The following STAG1 variants were observed in gnomAD, a reference collection of about 807,000 sequenced individuals.
STAG1 encodes STAG1 cohesin complex component.
Under a neutral mutation model 170.9 loss-of-function variants are expected in STAG1, and 26 were observed. The ratio of observed to expected loss-of-function variants is 0.15; its 90% confidence interval spans 0.11 to 0.21. STAG1 has a LOEUF of 0.21. Ranked by LOEUF, STAG1 falls within the 10% of genes least tolerant of loss-of-function variation. STAG1 has a pLI of 1.00. For missense variants in STAG1, 964 were observed against 1,509.5 expected, an observed-to-expected ratio of 0.64 and a Z score of 5.99; for synonymous variants, 514 against 497.7, an observed-to-expected ratio of 1.03 and a Z score of -0.44.
At chr3:136,614,529 A>C (rs1939482501) in intron 3 of STAG1, among the ~76,000 whole-genome samples, 1 of 152,238 alleles carries the variant, frequency 6.6e-6, no homozygotes, top group Admixed American at 6.5e-5. Flanking sequence ...AAAATATGTT[A>C]CATATACATA....
rs1057053901 is a variant in STAG1 at position 136,731,875 on chromosome 3, G to C, written c.-84+20320C>G. Among the ~76,000 whole-genome samples, 4 of 152,272 alleles carry C rather than the reference G, an allele frequency of 2.6e-5. No individual in the cohort carries two copies. In the South Asian group the frequency reaches 8.3e-4, roughly 32 times the overall value. On this transcript the variant is annotated intron_variant, in intron 1 of 33. Coordinates refer to ENST00000383202, the MANE Select transcript of STAG1 (RefSeq NM_005862.3). The stretch of plus-strand genomic sequence containing the variant: ...TTTTATTTGGCCTGTGCACTTATCA[G>C]CTAGTGGAAAGCATAAATTATTCCA...
chr3:136,581,409 A>G (rs1366573685), intron 4 of STAG1, among the ~76,000 whole-genome samples: 3 of 152,250 alleles, frequency 2.0e-5, no homozygotes, highest in Non-Finnish European at 4.4e-5. Context: ...TGCAATACAT[A>G]TAAGTTATTT....
At chr3:136,524,020 A>G (rs1376110121) in intron 6 of STAG1, among the ~76,000 whole-genome samples, 1 of 152,080 alleles carries the variant, frequency 6.6e-6, no homozygotes, top group African/African-American at 2.4e-5. Flanking sequence ...GTTTGAAGTC[A>G]GGTAGCATGA....
intron 13 of STAG1, among the ~76,000 whole-genome samples, chr3:136,458,488 T>C (rs1350998067): frequency 6.6e-6 from 1 of 152,180 alleles, no homozygotes; most frequent in East Asian, 1.9e-4. Flanking sequence ...CAAGATATTT[T>C]TTACAAGCCT....
chr3:136,747,460 G>A (rs1483170968), intron 1 of STAG1, among the ~76,000 whole-genome samples: 3 of 152,044 alleles, frequency 2.0e-5, no homozygotes, highest in Admixed American at 6.6e-5. Flanking sequence ...AGGCCAAGGC[G>A]GGCTGATTAC....
intron 16 of STAG1, among the ~76,000 whole-genome samples, chr3:136,423,866 AT>A (rs1239302223): frequency 1.4e-5 from 2 of 143,962 alleles, no homozygotes; most frequent in East Asian, 2.0e-4. Context: ...TTTTTTTTTT[AT>A]TTTTTTTTAT....
intron 23 of STAG1, among the ~76,000 whole-genome samples, chr3:136,373,284 T>G (rs1464216440): frequency 6.6e-6 from 1 of 151,992 alleles, no homozygotes; most frequent in East Asian, 1.9e-4. Context: ...TTTTGTTGAT[T>G]TTTTCAAAAA....
At chr3:136,537,626 C>A (rs1935701965) in intron 6 of STAG1, among the ~76,000 whole-genome samples, 1 of 151,448 alleles carries the variant, frequency 6.6e-6, no homozygotes, top group African/African-American at 2.4e-5. Flanking sequence ...TCAGCCTCCC[C>A]ATTAGCTGGG....
chr3:136,516,470 T>C (rs1316266284), intron 7 of STAG1, among the ~76,000 whole-genome samples: 1 of 151,934 alleles, frequency 6.6e-6, no homozygotes, highest in East Asian at 1.9e-4. Context: ...ACCATGCCAC[T>C]GCACTGCAGC....
chr3:136,563,836 C>T (rs917089872), intron 5 of STAG1, among the ~76,000 whole-genome samples: 4 of 151,814 alleles, frequency 2.6e-5, no homozygotes, highest in Non-Finnish European at 4.4e-5. Flanking sequence ...CTGATCAACA[C>T]GGTGAAACCC....
chr3:136,370,763 T>A (rs1370003587), intron 23 of STAG1, among the ~76,000 whole-genome samples: 6 of 152,212 alleles, frequency 3.9e-5, no homozygotes. Context: ...TCTATCATTG[T>A]TGGACATTTG....
chr3:136,394,764 C>A (rs1454231992), intron 22 of STAG1, among the ~76,000 whole-genome samples: 3 of 151,628 alleles, frequency 2.0e-5, no homozygotes, highest in Non-Finnish European at 1.5e-5. Flanking sequence ...ACCAGCCTGG[C>A]CAACACGGTG....
chr3:136,495,832 G>A (rs1263695736), intron 9 of STAG1, among the ~76,000 whole-genome samples: 1 of 152,004 alleles, frequency 6.6e-6, no homozygotes, highest in Non-Finnish European at 1.5e-5. Flanking sequence ...AGCCAGGCAT[G>A]GTGGCAGGCG....
intron 1 of STAG1, among the ~76,000 whole-genome samples, chr3:136,709,501 G>A (rs1443493897): frequency 1.3e-5 from 2 of 152,054 alleles, no homozygotes; most frequent in East Asian, 1.9e-4. Context: ...TTGGGAGGTC[G>A]AGGCAGGAGG....
chr3:136,460,232 T>C (rs960357461), intron 13 of STAG1, among the ~76,000 whole-genome samples: 1 of 152,194 alleles, frequency 6.6e-6, no homozygotes, highest in Non-Finnish European at 1.5e-5. Context: ...CACATCTGTA[T>C]ACCAACAAAA....
At chr3:136,596,118 T>C (rs1347124695) in intron 4 of STAG1, among the ~76,000 whole-genome samples, 1 of 152,222 alleles carries the variant, frequency 6.6e-6, no homozygotes, top group African/African-American at 2.4e-5. Context: ...CATAAATTTA[T>C]ATGATAAAGC....
chr3:136,747,552 A>G (rs1935007261), intron 1 of STAG1, among the ~76,000 whole-genome samples: 1 of 151,934 alleles, frequency 6.6e-6, no homozygotes, highest in South Asian at 2.1e-4. Context: ...AGCCGGGCGT[A>G]GTGGCATGCA....
At chr3:136,403,655 A>T (rs2087401041) in intron 21 of STAG1, among the ~76,000 whole-genome samples, 1 of 152,192 alleles carries the variant, frequency 6.6e-6, no homozygotes, top group Non-Finnish European at 1.5e-5. Context: ...GGAAAAGAGT[A>T]ATGTTGAAGA....
At chr3:136,403,249 AAAAAGAAAAGAAAAG>A (rs1560090466) in intron 21 of STAG1, among the ~76,000 whole-genome samples, 1 of 144,168 alleles carries the variant, frequency 6.9e-6, no homozygotes, top group African/African-American at 2.6e-5. Context: ...AAAAAAAAAA[AAAAAGAAAAGAAAAG>A]AAAAAAAAAA....
Sources: gnomAD v4.1 joint callset for allele counts (sites outside exome capture counted in the v4.1 genomes callset) on GRCh38, gnomAD v4.1.1 for gene constraint, MANE v1.5 for transcripts, NCBI Gene and HGNC (gene_info 2026-07-23, HGNC 2026-07-21) for gene names.